Variants in SDK1 observed in about 807,000 individuals in gnomAD.
SDK1 encodes the protein sidekick cell adhesion molecule 1.
In SDK1, 157 loss-of-function variants were observed where a neutral mutation model predicts 245.5. That is an observed-to-expected ratio of 0.64 (90% CI 0.56 to 0.73). SDK1 has a LOEUF of 0.73. Among genes scored for constraint, SDK1 ranks in the 30% least tolerant of loss-of-function variants. SDK1 has a pLI of 0.00. For synonymous variants in SDK1, 1,647 were observed against 1,278.5 expected, an observed-to-expected ratio of 1.29 and a Z score of -6.15; for missense variants, 3,583 against 3,002.3, an observed-to-expected ratio of 1.19 and a Z score of -4.52.
chr7:4,155,373 T>C (rs1780662665), intron 30 of SDK1, among the ~76,000 whole-genome samples: 1 of 152,212 alleles, frequency 6.6e-6, no homozygotes, highest in Non-Finnish European at 1.5e-5. Flanking sequence ...CCCATTTGTC[T>C]GGGAGCCAGG....
intron 5 of SDK1, among the ~76,000 whole-genome samples, chr7:3,921,945 A>G (rs1406930315): frequency 6.6e-6 from 1 of 152,082 alleles, no homozygotes. Flanking sequence ...CAGCCTGGGC[A>G]ACAGAGTTAG....
Position 3,905,598 on chromosome 7 carries a change from T to C in SDK1, c.848-45325T>C, listed in dbSNP as rs28681548. On this transcript the variant is annotated intron_variant, in intron 5 of 44. Transcript: ENST00000404826. ...TGTTTAAGAATCATTATGTTTCTTG[T>C]TTCTTTAGAATCATGTCCTTTATCA... is the stretch of plus-strand genomic sequence containing the variant. Among the ~76,000 whole-genome samples, 18 of 152,204 alleles carry C rather than the reference T, an allele frequency of 1.2e-4. 1 individual carries two copies. Among genetic ancestry groups the C allele is most frequent in the African/African-American group, 4.3e-4 (18 of 41,456 alleles).
chr7:4,040,047 A>T (rs1031801071), intron 17 of SDK1, among the ~76,000 whole-genome samples: 2 of 152,198 alleles, frequency 1.3e-5, no homozygotes, highest in African/African-American at 4.8e-5. Flanking sequence ...ACGCTGAAGC[A>T]CTGGGTTTTT....
intron 4 of SDK1, among the ~76,000 whole-genome samples, chr7:3,670,230 G>C (rs1037214240): frequency 1.3e-5 from 2 of 152,148 alleles, no homozygotes; most frequent in African/African-American, 4.8e-5. Flanking sequence ...AAATCCATTA[G>C]TATATTAGTC....
chr7:3,719,602 G>GT (rs753562954), intron 4 of SDK1, among the ~76,000 whole-genome samples: 10 of 152,152 alleles, frequency 6.6e-5, no homozygotes, highest in Non-Finnish European at 1.2e-4. Flanking sequence ...ACAAAAGTGG[G>GT]TGGAACCTTG....
intron 14 of SDK1, among the ~76,000 whole-genome samples, chr7:3,989,408 G>T (rs1222187668): frequency 6.6e-6 from 1 of 152,168 alleles, no homozygotes; most frequent in Non-Finnish European, 1.5e-5. Context: ...ACTCATGGGA[G>T]TTCAAGATGA....
At chr7:3,335,422 T>C (rs1780175395) in intron 1 of SDK1, among the ~76,000 whole-genome samples, 1 of 44,628 alleles carries the variant, frequency 2.2e-5, no homozygotes, top group Non-Finnish European at 5.0e-5. Context: ...GTACTTATCT[T>C]TTTTTTTTTT....
intron 4 of SDK1, chr7:3,643,918 A>G (rs1177025488): frequency 6.7e-6 from 1 of 149,700 alleles, no homozygotes; most frequent in African/African-American, 2.4e-5. Context: ...AATAATTATT[A>G]TTTTGAGACA....
chr7:3,613,674 T>C (rs1781674872), intron 1 of SDK1, among the ~76,000 whole-genome samples: 1 of 152,134 alleles, frequency 6.6e-6, no homozygotes, highest in African/African-American at 2.4e-5. Flanking sequence ...CGTTCTATTA[T>C]AGAGACACAA....
At chr7:4,127,994 C>T (rs924607942) in intron 26 of SDK1, among the ~76,000 whole-genome samples, 8 of 152,168 alleles carry the variant, frequency 5.3e-5, no homozygotes, top group Admixed American at 4.6e-4. Context: ...CAATGGCATC[C>T]GCTGGCAGGG....
intron 35 of SDK1, among the ~76,000 whole-genome samples, chr7:4,179,469 G>A (rs761178278): frequency 1.4e-4 from 22 of 152,130 alleles, no homozygotes; most frequent in Non-Finnish European, 2.9e-4. Flanking sequence ...TTGCAATTGG[G>A]AAGGGTTATT....
At position 3,456,005 on chromosome 7, in the gene SDK1, A is replaced by T. The variant is rs115728444; in HGVS notation, c.298+154121A>T. Reference sequence around the variant, plus strand: ...TCCTCAAGGGTGATTTCACTGATGTAGAATTCATGGTTGACAGTCCTTTTC... The same window carrying T: ...TCCTCAAGGGTGATTTCACTGATGTTGAATTCATGGTTGACAGTCCTTTTC... On this transcript the variant is annotated intron_variant, in intron 1 of 44. Coordinates refer to ENST00000404826, the MANE Select transcript of SDK1 (RefSeq NM_152744.4). Among the ~76,000 whole-genome samples, 588 of 152,332 alleles carry T rather than the reference A, an allele frequency of 3.9e-3. 4 individuals carry two copies. Among genetic ancestry groups the T allele is most frequent in the African/African-American group, 0.013 (560 of 41,584 alleles).
chr7:3,805,490 C>G (rs184011141), intron 4 of SDK1, among the ~76,000 whole-genome samples: 200 of 152,294 alleles, frequency 1.3e-3, no homozygotes, highest in African/African-American at 4.5e-3. Flanking sequence ...TTCTGGGTTC[C>G]TCTTGTACTT....
At position 3,962,795 on chromosome 7, in the gene SDK1, GCTT is replaced by G; in HGVS notation, c.1375_1377del (p.Phe459del). ...CCAGAGGACTCCGGAATCTTCCAGT[GCTT>G]CGCCAGCAATGAAGGAGGGGAGATC... On this transcript the variant is annotated inframe_deletion, in exon 9 of 45. Coordinates refer to ENST00000404826, the MANE Select transcript of SDK1 (RefSeq NM_152744.4). The G allele has an allele frequency of 6.2e-7, 1 of 1,613,656 alleles. No individual in the cohort carries two copies. The highest frequency in any genetic ancestry group is 1.3e-5 in the African/African-American group (1 of 75,042).
chr7:3,428,576 T>G (rs963943338), intron 1 of SDK1, among the ~76,000 whole-genome samples: 3 of 152,178 alleles, frequency 2.0e-5, no homozygotes, highest in African/African-American at 7.2e-5. Context: ...ACAAATGGAT[T>G]GTCTTCAGAA....
At chr7:3,997,734 C>G (rs1166993750) in intron 14 of SDK1, among the ~76,000 whole-genome samples, 1 of 152,132 alleles carries the variant, frequency 6.6e-6, no homozygotes, top group African/African-American at 2.4e-5. Flanking sequence ...CCACAAGTTC[C>G]CACTCCAGCC....
chr7:4,066,804 C>T (rs1779932744), intron 19 of SDK1, among the ~76,000 whole-genome samples: 1 of 152,226 alleles, frequency 6.6e-6, no homozygotes, highest in Admixed American at 6.5e-5. Context: ...GCCCTGCTGT[C>T]CCTGAGTCGC....
chr7:4,221,213 C>T, intron 39 of SDK1, 26 bp from the exon 40 acceptor site: 1 of 1,611,428 alleles, frequency 6.2e-7, no homozygotes, highest in Non-Finnish European at 8.5e-7. Flanking sequence ...TGATGCCTCA[C>T]CTCTCTTTTC....
intron 5 of SDK1, among the ~76,000 whole-genome samples, chr7:3,916,540 A>G (rs769978093): frequency 4.9e-4 from 75 of 152,210 alleles, no homozygotes; most frequent in Non-Finnish European, 9.7e-4. Context: ...TGTGGATGTG[A>G]TAGGCAAATC....
Sources: allele counts gnomAD v4.1 joint callset (sites outside exome capture counted in the v4.1 genomes callset), GRCh38; gene constraint gnomAD v4.1.1; transcripts MANE v1.5; gene names NCBI Gene and HGNC (gene_info 2026-07-23, HGNC 2026-07-21).